Variants in ZDHHC17 observed in about 807,000 individuals in gnomAD.
ZDHHC17 encodes the protein zDHHC palmitoyltransferase 17, also known as palmitoyltransferase ZDHHC17.
A neutral mutation model predicts 90.3 loss-of-function variants in ZDHHC17; 40 were observed. The observed-to-expected ratio is 0.44, with a 90% CI of 0.34 to 0.58. The LOEUF is 0.58. Among genes scored for constraint, ZDHHC17 ranks in the 20% least tolerant of loss-of-function variants. The pLI, the probability that ZDHHC17 is intolerant of heterozygous loss-of-function variation, is 0.01. For missense variants in ZDHHC17, 614 were observed against 780.8 expected, an observed-to-expected ratio of 0.79 and a Z score of 2.55; for synonymous variants, 235 against 252.4, an observed-to-expected ratio of 0.93 and a Z score of 0.65.
At chr12:76,766,031 C>T (rs969528671) in intron 1 of ZDHHC17, among the ~76,000 whole-genome samples, 1 of 152,148 alleles carries the variant, frequency 6.6e-6, no homozygotes, top group African/African-American at 2.4e-5. Context: ...TACTGTTCTT[C>T]ATAAACCTTT....
rs368877476 is a variant in ZDHHC17, at chr12:76,821,301, A to C, written c.772-1105A>C. On this transcript the variant is annotated intron_variant, in intron 7 of 16. Coordinates refer to ENST00000426126, the MANE Select transcript of ZDHHC17 (RefSeq NM_015336.4). ...TCCTAGATTAGCCCATTTCTTATTA[A>C]ATACCATTGATCTTTATATTAAAGG... The C allele has an allele frequency of 5.6e-5, 14 of 248,524 alleles. No individual in the cohort carries two copies. The South Asian group carries it at 6.3e-4, about 11-fold the overall frequency. 15.4% of individuals were successfully genotyped at this position (248,524 alleles called of 1,614,324 possible). A position where few individuals can be genotyped will look rare whatever the true frequency, so the allele number is the denominator to read the frequency against.
intron 1 of ZDHHC17, among the ~76,000 whole-genome samples, chr12:76,788,804 C>T (rs1423781010): frequency 6.9e-6 from 1 of 143,914 alleles, no homozygotes; most frequent in Non-Finnish European, 1.5e-5. Context: ...TCAAGCGATT[C>T]TCCTGCCTCA....
chr12:76,817,408 A>G (rs1953102472), intron 7 of ZDHHC17, among the ~76,000 whole-genome samples: 1 of 152,054 alleles, frequency 6.6e-6, no homozygotes, highest in South Asian at 2.1e-4. Context: ...AATACATTTA[A>G]AGATACTTAG....
chr12:76,802,104 A>G (rs1199496350), intron 2 of ZDHHC17, among the ~76,000 whole-genome samples: 2 of 152,184 alleles, frequency 1.3e-5, no homozygotes, highest in Non-Finnish European at 2.9e-5. Flanking sequence ...TTCACCTGGC[A>G]GGTCTCCTTT....
intron 12 of ZDHHC17, among the ~76,000 whole-genome samples, chr12:76,843,628 T>C (rs991920508): frequency 2.0e-5 from 3 of 152,134 alleles, no homozygotes; most frequent in East Asian, 1.9e-4. Context: ...AATACTCTTA[T>C]GTTTAAATTA....
intron 7 of ZDHHC17, 34 bp downstream of exon 7, chr12:76,816,053 A>C (rs1388898768): frequency 7.2e-7 from 1 of 1,396,356 alleles, no homozygotes; most frequent in Non-Finnish European, 9.4e-7. Flanking sequence ...TACTGTATGA[A>C]ATGTGGCTAA....
At chr12:76,822,640 T>TCC in intron 8 of ZDHHC17, 109 bp downstream of exon 8, 2 of 818,202 alleles carry the variant, frequency 2.4e-6, no homozygotes, top group Non-Finnish European at 3.9e-6. Flanking sequence ...CTGCAATCCC[T>TCC]GCCTCTCGGT....
chr12:76,850,789 C>T, intron 16 of ZDHHC17, 58 bp from the exon 17 acceptor site: 1 of 1,546,452 alleles, frequency 6.5e-7, no homozygotes, highest in Non-Finnish European at 8.7e-7. Flanking sequence ...ATATTGAATT[C>T]ATGTATTAAA....
At position 76,851,975 on chromosome 12, in the gene ZDHHC17, A is replaced by G. The variant is rs1953572712; in HGVS notation, c.*990A>G. The G allele has an allele frequency of 6.6e-6, 1 of 152,630 alleles. No individual in the cohort carries two copies. The highest frequency in any genetic ancestry group is 2.1e-4 in the South Asian group (1 of 4,830). The allele number at this position is 152,630 out of a possible 1,614,324, so 9.5% of individuals were successfully genotyped here. ...TAAAGATGGAGCATGATCTAAGTAC[A>G]TAGCACATGTGAATAAAAGAAAAGC... On this transcript the variant is annotated 3_prime_UTR_variant, in exon 17 of 17. Transcript: ENST00000426126.
rs1057280508 is a variant in ZDHHC17 at position 76,764,307 on chromosome 12, G to C, written c.71G>C (p.Cys24Ser). Residue 24 changes from cysteine (C) to serine (S), a missense_variant, in exon 1 of 17, where the codon TGT becomes TCT. Coordinates refer to ENST00000426126, the MANE Select transcript of ZDHHC17 (RefSeq NM_015336.4). ...GPDEYDTEAG[C>S]VPLLHPEEIK... is the part of the protein sequence containing the mutation. ...GATGAGTACGATACCGAAGCGGGCT[G>C]TGTGCCCCTTCTCCACCCAGAGGTG... 3 of 1,603,994 alleles carry C rather than the reference G, an allele frequency of 1.9e-6. No individual in the cohort carries two copies. Among genetic ancestry groups the C allele is most frequent in the African/African-American group, 1.3e-5 (1 of 74,808 alleles).
At chr12:76,812,336 C>G (rs11115519) in intron 5 of ZDHHC17, among the ~76,000 whole-genome samples, 1,677 of 152,070 alleles carry the variant, frequency 0.011, 11 homozygotes, top group Non-Finnish European at 0.017. Flanking sequence ...GCTACTTTTT[C>G]AGCAACTCTG....
rs571631565 is a variant in ZDHHC17 at position 76,818,365 on chromosome 12, T to C, written c.771+2346T>C. ...CCTTCTAATAGAAACCATGTATTTA[T>C]TCGTTCAGCAAATTCTTATTCAATG... On this transcript the variant is annotated intron_variant, in intron 7 of 16. Transcript: ENST00000426126. Among the ~76,000 whole-genome samples, 7 of 152,344 alleles carry C rather than the reference T, an allele frequency of 4.6e-5. No homozygotes were observed. In the South Asian group the frequency reaches 1.4e-3, roughly 32 times the overall value.
At chr12:76,815,235 AT>A in intron 6 of ZDHHC17, 25 bp downstream of exon 6, 1 of 1,479,824 alleles carries the variant, frequency 6.8e-7, no homozygotes, top group Non-Finnish European at 9.2e-7. Context: ...TAAAAAACTT[AT>A]TTAGGCCATT....
At chr12:76,826,066 G>A (rs941305565) in intron 8 of ZDHHC17, among the ~76,000 whole-genome samples, 1 of 152,068 alleles carries the variant, frequency 6.6e-6, no homozygotes, top group African/African-American at 2.4e-5. Flanking sequence ...CGATTCTCTC[G>A]TCTAGGCCTC....
chr12:76,790,541 G>A (rs1952748806), intron 1 of ZDHHC17, among the ~76,000 whole-genome samples: 2 of 152,082 alleles, frequency 1.3e-5, no homozygotes, highest in South Asian at 4.1e-4. Flanking sequence ...TCTGTGGAAA[G>A]ACATTATAAT....
intron 10 of ZDHHC17, among the ~76,000 whole-genome samples, chr12:76,832,256 C>T (rs992691499): frequency 6.6e-6 from 1 of 152,194 alleles, no homozygotes; most frequent in South Asian, 2.1e-4. Context: ...ATTCAGGTAC[C>T]TTAAGATAAA....
At chr12:76,783,093 A>G (rs1478622084) in intron 1 of ZDHHC17, among the ~76,000 whole-genome samples, 2 of 152,198 alleles carry the variant, frequency 1.3e-5, no homozygotes, top group Non-Finnish European at 2.9e-5. Flanking sequence ...AGTTTGGTCA[A>G]GTAGAAAGTT....
intron 1 of ZDHHC17, among the ~76,000 whole-genome samples, chr12:76,780,905 A>G (rs1952615391): frequency 1.3e-5 from 2 of 151,894 alleles, no homozygotes; most frequent in South Asian, 2.1e-4. Flanking sequence ...GTGGATCACG[A>G]GGTCAGGAGA....
intron 10 of ZDHHC17, among the ~76,000 whole-genome samples, chr12:76,836,946 A>G (rs1241541531): frequency 6.6e-6 from 1 of 152,200 alleles, no homozygotes; most frequent in Non-Finnish European, 1.5e-5. Context: ...TTTAATTAGT[A>G]TTGCTTTAAA....
Sources: allele counts gnomAD v4.1 joint callset (sites outside exome capture counted in the v4.1 genomes callset), GRCh38; gene constraint gnomAD v4.1.1; transcripts MANE v1.5; gene names NCBI Gene and HGNC (gene_info 2026-07-23, HGNC 2026-07-21).